ERAP2: variants seen among roughly 807,000 people sequenced by gnomAD.
ERAP2 encodes the protein leukocyte-derived arginine aminopeptidase.
Under a neutral mutation model 111.1 loss-of-function variants are expected in ERAP2, and 118 were observed. That is an observed-to-expected ratio of 1.06 (90% CI 0.92 to 1.24). ERAP2 has a LOEUF of 1.24. ERAP2 is among the 50% of genes most tolerant of loss of function. The pLI, the probability that ERAP2 is intolerant of heterozygous loss-of-function variation, is 0.00. For synonymous variants in ERAP2, 410 were observed against 401.2 expected (o/e 1.02, Z -0.26); for missense variants, 1,131 against 1,125.8 (o/e 1.00, Z -0.07).
rs11450033 is a variant in ERAP2 at position 96,895,161 on chromosome 5, A to AC, written c.1126-85_1126-84insC. 5.2e-5 allele frequency: 40 copies of AC among 775,132 alleles called. No homozygotes were observed. The African/African-American group carries it at 6.6e-4, about 13-fold the overall frequency. The allele number at this position is 775,132 out of a possible 1,614,324, so 48.0% of individuals were successfully genotyped here. A position where few individuals can be genotyped will look rare whatever the true frequency, so the allele number is the denominator to read the frequency against. The stretch of plus-strand genomic sequence containing the variant: ...AAGAGAGATCCTAACTAATAAAAAA[A>AC]AAGTTAGTAACTATTGTATTTTTTG... On this transcript the variant is annotated intron_variant, in intron 6 of 18. Coordinates refer to ENST00000437043, the MANE Select transcript of ERAP2 (RefSeq NM_022350.5).
chr5:96,905,690 C>T (rs890702307), intron 13 of ERAP2, among the ~76,000 whole-genome samples: 1 of 151,968 alleles, frequency 6.6e-6, no homozygotes, highest in Non-Finnish European at 1.5e-5. Flanking sequence ...TTGAGATCAG[C>T]CTGGGCAACA....
At chr5:96,917,018 T>C (rs1047532568) in intron 18 of ERAP2, among the ~76,000 whole-genome samples, 1 of 152,204 alleles carries the variant, frequency 6.6e-6, no homozygotes, top group Non-Finnish European at 1.5e-5. Context: ...AAGTAGAAAA[T>C]AACCTTTTAG....
chr5:96,878,653 C>T (rs1401184223), intron 1 of ERAP2, among the ~76,000 whole-genome samples: 1 of 151,974 alleles, frequency 6.6e-6, no homozygotes, highest in Non-Finnish European at 1.5e-5. Flanking sequence ...TATGGCCAGG[C>T]GCAGTGACCC....
chr5:96,909,863 A>AT, intron 15 of ERAP2, 99 bp downstream of exon 15: 1 of 1,235,128 alleles, frequency 8.1e-7, no homozygotes, highest in Non-Finnish European at 1.1e-6. Flanking sequence ...TAGTGAGGAT[A>AT]GAAAAAAAAA....
At chr5:96,904,560 G>A (rs141219660) in intron 13 of ERAP2, among the ~76,000 whole-genome samples, 211 of 152,234 alleles carry the variant, frequency 1.4e-3, no homozygotes, top group African/African-American at 4.4e-3. Flanking sequence ...CTCATTGGAG[G>A]CCAAAATTAG....
At position 96,905,208 on chromosome 5, in the gene ERAP2, C is replaced by A. The variant is rs186651770; in HGVS notation, c.2012+1648C>A. ...GAGGAGATGACAACATAGAAAAGTA[C>A]ACTTCAAATAATGTGAAGTTGAGAA... On this transcript the variant is annotated intron_variant, in intron 13 of 18. Coordinates refer to ENST00000437043, the MANE Select transcript of ERAP2 (RefSeq NM_022350.5). Among the ~76,000 whole-genome samples, 461 of 152,166 alleles carry A rather than the reference C, an allele frequency of 3.0e-3. 1 individual carries two copies. Among genetic ancestry groups the A allele is most frequent in the Non-Finnish European group, 4.5e-3 (307 of 68,006 alleles).
intron 9 of ERAP2, among the ~76,000 whole-genome samples, chr5:96,899,512 A>G (rs890113631): frequency 6.6e-6 from 1 of 152,198 alleles, no homozygotes; most frequent in Non-Finnish European, 1.5e-5. Flanking sequence ...GCCTTAGCAC[A>G]TTCTTCATTT....
chr5:96,885,354 T>A (rs1293293683), intron 3 of ERAP2, among the ~76,000 whole-genome samples: 1 of 152,200 alleles, frequency 6.6e-6, no homozygotes, highest in Non-Finnish European at 1.5e-5. Context: ...TTGAATCAGC[T>A]TCCTAAAAAT....
At chr5:96,902,914 A>C (rs776097444) in intron 12 of ERAP2, 2 of 154,744 alleles carry the variant, frequency 1.3e-5, no homozygotes, top group Non-Finnish European at 2.9e-5. Context: ...TCTTCTAAAC[A>C]CTTTAATAAA....
chr5:96,877,374 A>G (rs1782647508), intron 1 of ERAP2, among the ~76,000 whole-genome samples: 1 of 151,932 alleles, frequency 6.6e-6, no homozygotes. Flanking sequence ...TTTTCTCTCT[A>G]CTCTTATCAA....
At chr5:96,914,933 TTAAA>T (rs1343962850) in intron 17 of ERAP2, among the ~76,000 whole-genome samples, 7 of 112,018 alleles carry the variant, frequency 6.2e-5, no homozygotes, top group East Asian at 2.7e-4. Context: ...GTATAAAAAG[TTAAA>T]TAAATACATT....
chr5:96,893,846 T>G (rs1157555376), intron 6 of ERAP2, among the ~76,000 whole-genome samples: 1 of 152,188 alleles, frequency 6.6e-6, no homozygotes, highest in Non-Finnish European at 1.5e-5. Flanking sequence ...CATCCTCATC[T>G]CTTGCCTACA....
intron 3 of ERAP2, among the ~76,000 whole-genome samples, chr5:96,884,400 T>C (rs976222126): frequency 3.3e-5 from 5 of 152,200 alleles, no homozygotes; most frequent in African/African-American, 1.2e-4. Flanking sequence ...GAGACCCCTT[T>C]TGCAGTGGCA....
At chr5:96,893,383 T>C (rs1294264463) in intron 6 of ERAP2, among the ~76,000 whole-genome samples, 1 of 152,202 alleles carries the variant, frequency 6.6e-6, no homozygotes, top group Admixed American at 6.5e-5. Flanking sequence ...CTGTTGTTCT[T>C]TAAAGCAGTG....
At chr5:96,891,529 TA>T (rs1784385979) in intron 5 of ERAP2, among the ~76,000 whole-genome samples, 2 of 41,984 alleles carry the variant, frequency 4.8e-5, no homozygotes, top group Admixed American at 2.7e-4. Flanking sequence ...CCATATACGG[TA>T]TATATACACA....
intron 6 of ERAP2, among the ~76,000 whole-genome samples, chr5:96,893,836 C>T (rs1359573256): frequency 6.6e-6 from 1 of 152,162 alleles, no homozygotes; most frequent in Non-Finnish European, 1.5e-5. Flanking sequence ...TTTACCTCTC[C>T]ATCCTCATCT....
At position 96,883,833 on chromosome 5, in the gene ERAP2, T is replaced by C; in HGVS notation, c.617T>C (p.Met206Thr). 1.9e-6 allele frequency: 3 copies of C among 1,613,668 alleles called. No homozygotes were observed. Among genetic ancestry groups the C allele is most frequent in the Non-Finnish European group, 2.5e-6 (3 of 1,179,852 alleles). Reference protein sequence around the residue: ...VTDFEPTQARMAFPCFDEPLF... With the variant: ...VTDFEPTQARTAFPCFDEPLF... ...GATTTTGAGCCAACCCAGGCACGCA[T>C]GGCTTTCCCTTGCTTTGATGAACCG... is the stretch of plus-strand genomic sequence containing the variant. Residue 206 changes from methionine to threonine, a missense_variant, in exon 3 of 19, where the codon ATG becomes ACG. By Grantham distance (81) the Met-to-Thr change is moderately conservative. Coordinates refer to ENST00000437043, the MANE Select transcript of ERAP2 (RefSeq NM_022350.5).
At chr5:96,884,131 T>C (rs1282732496) in intron 3 of ERAP2, among the ~76,000 whole-genome samples, 7 of 136,754 alleles carry the variant, frequency 5.1e-5, no homozygotes, top group African/African-American at 1.9e-4. Context: ...GTTTGGGGCA[T>C]TGTTACACAG....
At chr5:96,901,259 C>G (rs1436545152) in intron 10 of ERAP2, among the ~76,000 whole-genome samples, 3 of 152,140 alleles carry the variant, frequency 2.0e-5, no homozygotes, top group South Asian at 4.1e-4. Context: ...TTTTCACTGG[C>G]TTTTCCTGCC....
Sources: gnomAD v4.1 joint callset for allele counts (sites outside exome capture counted in the v4.1 genomes callset) on GRCh38, gnomAD v4.1.1 for gene constraint, MANE v1.5 for transcripts, NCBI Gene and HGNC (gene_info 2026-07-23, HGNC 2026-07-21) for gene names.